TRMT11: variants seen among roughly 807,000 people sequenced by gnomAD.
The protein encoded by TRMT11 is tRNA (guanine(10)-N(2))-methyltransferase TRMT11.
In TRMT11, 53 loss-of-function variants were observed where a neutral mutation model predicts 62.8. The ratio of observed to expected loss-of-function variants is 0.84; its 90% CI spans 0.68 to 1.06. The LOEUF is 1.06. TRMT11 is among the 50% of genes least tolerant of loss of function. TRMT11 has a pLI of 0.00. For missense variants in TRMT11, 556 were observed against 553.4 expected (o/e 1.00, Z -0.05); for synonymous variants, 188 against 190.3 (o/e 0.99, Z 0.10).
chr6:126,136,755 A>G (rs2128210831), intron 21 of TRMT11, among the ~76,000 whole-genome samples: 1 of 151,946 alleles, frequency 6.6e-6, no homozygotes, highest in South Asian at 2.1e-4. Context: ...TATAATAAAC[A>G]TAACAGCATA....
At chr6:126,080,889 T>C (rs1024841727) in intron 17 of TRMT11, among the ~76,000 whole-genome samples, 1 of 152,120 alleles carries the variant, frequency 6.6e-6, no homozygotes, top group Non-Finnish European at 1.5e-5. Flanking sequence ...AATCTCCACA[T>C]TGGCTCTATG....
At chr6:126,179,847 AT>A (rs1778435480) in intron 1 of TRMT11, among the ~76,000 whole-genome samples, 2 of 152,232 alleles carry the variant, frequency 1.3e-5, no homozygotes, top group Non-Finnish European at 2.9e-5. Flanking sequence ...CACCTAAAAA[AT>A]ATGAACACAT....
At chr6:126,251,177 C>A in the TRMT11 span, among the ~76,000 whole-genome samples, 1 of 151,826 alleles carries the variant, frequency 6.6e-6, no homozygotes, top group South Asian at 2.1e-4. Flanking sequence ...ATTACAGGTG[C>A]CCGCCACTGT....
the TRMT11 span, among the ~76,000 whole-genome samples, chr6:126,209,680 C>A: frequency 2.0e-5 from 3 of 151,936 alleles, no homozygotes; most frequent in Non-Finnish European, 4.4e-5. Context: ...GAGCTGAGAT[C>A]GCATGCCACC....
chr6:126,242,303 G>C, the TRMT11 span, among the ~76,000 whole-genome samples: 2 of 152,144 alleles, frequency 1.3e-5, no homozygotes, highest in Non-Finnish European at 2.9e-5. Flanking sequence ...ACAAATGGAA[G>C]AGCATTCCAT....
At chr6:126,199,655 CAA>C (rs1778712249) in intron 2 of TRMT11, 1 of 152,144 alleles carries the variant, frequency 6.6e-6, no homozygotes, top group Non-Finnish European at 1.5e-5. Context: ...TGCTGTAAAC[CAA>C]AAGAGAAACT....
chr6:126,139,465 T>G (rs1777889588), intron 21 of TRMT11, among the ~76,000 whole-genome samples: 1 of 152,088 alleles, frequency 6.6e-6, no homozygotes, highest in Middle Eastern at 3.4e-3. Flanking sequence ...GCCTCCTGGG[T>G]TCAAGCAATT....
intron 21 of TRMT11, among the ~76,000 whole-genome samples, chr6:126,140,708 T>C (rs1315798026): frequency 2.0e-5 from 3 of 152,072 alleles, no homozygotes; most frequent in African/African-American, 7.2e-5. Flanking sequence ...GAGAAATTGT[T>C]CTACTTGACA....
chr6:126,151,943 C>CTTTCTTTCTTTCTTTCTTTCTTTCTTTCT (rs1554242330), intron 21 of TRMT11, among the ~76,000 whole-genome samples: 3 of 33,894 alleles, frequency 8.9e-5, no homozygotes, highest in African/African-American at 3.2e-4. Context: ...TTCTTTCTTT[C>CTTTCTTTCTTTCTTTCTTTCTTTCTTTCT]TTTTCTTTCT....
At chr6:126,175,134 T>C (rs536701718), upstream of TRMT11, among the ~76,000 whole-genome samples, 1 of 152,322 alleles carries the variant, frequency 6.6e-6, no homozygotes, top group East Asian at 1.9e-4. Context: ...CCTGTGTCTG[T>C]CCACTCTACT....
intron 21 of TRMT11, among the ~76,000 whole-genome samples, chr6:126,149,326 T>G (rs1374296980): frequency 6.6e-6 from 1 of 152,222 alleles, no homozygotes; most frequent in East Asian, 1.9e-4. Flanking sequence ...TACAGAATTA[T>G]TCATCATTTT....
intron 1 of TRMT11, among the ~76,000 whole-genome samples, chr6:125,991,312 C>T (rs1790589931): frequency 2.0e-5 from 3 of 151,838 alleles, no homozygotes; most frequent in Admixed American, 2.0e-4. Context: ...AGTGCAGTGG[C>T]GTGACCGTGG....
intron 1 of TRMT11, among the ~76,000 whole-genome samples, chr6:126,191,483 T>C (rs1162129453): frequency 7.0e-6 from 1 of 143,014 alleles, no homozygotes; most frequent in Non-Finnish European, 1.5e-5. Flanking sequence ...TTTTTTTTTT[T>C]GCTTTTGTAG....
chr6:125,990,448 C>T (rs1418394221), intron 1 of TRMT11, among the ~76,000 whole-genome samples: 1 of 152,128 alleles, frequency 6.6e-6, no homozygotes, highest in African/African-American at 2.4e-5. Context: ...CTGGGGGGCC[C>T]TTTCTCTTTT....
intron 1 of TRMT11, among the ~76,000 whole-genome samples, chr6:126,189,103 G>T (rs1778563776): frequency 6.6e-6 from 1 of 152,098 alleles, no homozygotes; most frequent in Non-Finnish European, 1.5e-5. Flanking sequence ...GCCTTTAAGG[G>T]ATTTGGCGAA....
intron 17 of TRMT11, among the ~76,000 whole-genome samples, chr6:126,074,967 A>T (rs1776975303): frequency 1.3e-5 from 2 of 152,296 alleles, no homozygotes; most frequent in South Asian, 2.1e-4. Context: ...CACAATTTTT[A>T]TTAATTTTTT....
chr6:126,244,965 A>C, the TRMT11 span, among the ~76,000 whole-genome samples: 1 of 152,198 alleles, frequency 6.6e-6, no homozygotes, highest in African/African-American at 2.4e-5. Flanking sequence ...CAATGTAATG[A>C]GGTTAGAATA....
intron 21 of TRMT11, among the ~76,000 whole-genome samples, chr6:126,151,799 C>CTTT (rs1778044120): frequency 1.4e-5 from 1 of 71,266 alleles, no homozygotes; most frequent in African/African-American, 7.3e-5. Context: ...CTTCCTTCCT[C>CTTT]TCTGTCTTTT....
Position 126,138,714 on chromosome 6 carries a change from T to C in TRMT11, c.*1823+22859T>C, listed in dbSNP as rs549613168. 3.9e-5 allele frequency among the ~76,000 whole-genome samples: 6 copies of C among 152,048 alleles called. No homozygotes were observed. The East Asian group carries it at 7.7e-4, about 20-fold the overall frequency. On this transcript the variant is annotated intron_variant and NMD_transcript_variant, in intron 21 of 22. Coordinates refer to the TRMT11 transcript ENST00000648977. ...GAATCTGTTTGACATTTCTGAGAAATAGAGGAATCCAATGATATAAGGGTC... is the reference window on the plus strand; with the variant it reads ...GAATCTGTTTGACATTTCTGAGAAACAGAGGAATCCAATGATATAAGGGTC...
Sources: allele counts gnomAD v4.1 joint callset (sites outside exome capture counted in the v4.1 genomes callset), GRCh38; gene constraint gnomAD v4.1.1; transcripts MANE v1.5; gene names NCBI Gene and HGNC (gene_info 2026-07-23, HGNC 2026-07-21).